Variants in MAPKAP1 observed in about 807,000 individuals in gnomAD.
MAPKAP1 encodes MAPK associated protein 1, also known as target of rapamycin complex 2 subunit MAPKAP1.
MAPKAP1 carries 20 observed loss-of-function variants against 65.7 expected under a neutral mutation model. The ratio of observed to expected loss-of-function variants is 0.30; its 90% CI spans 0.21 to 0.44. MAPKAP1 has a LOEUF of 0.44. MAPKAP1 is among the 20% of genes least tolerant of loss of function. The pLI is 1.00. For missense variants in MAPKAP1, 423 were observed against 648.0 expected (o/e 0.65, Z 3.77); for synonymous variants, 222 against 244.3 (o/e 0.91, Z 0.85).
intron 4 of MAPKAP1, among the ~76,000 whole-genome samples, chr9:125,637,381 A>C (rs931157841): frequency 1.3e-5 from 2 of 149,442 alleles, no homozygotes; most frequent in Non-Finnish European, 3.0e-5. Context: ...GCTAAAGAGA[A>C]TGGGTTTTGC....
At chr9:125,488,543 G>A (rs1269127073) in intron 8 of MAPKAP1, among the ~76,000 whole-genome samples, 1 of 152,062 alleles carries the variant, frequency 6.6e-6, no homozygotes, top group East Asian at 1.9e-4. Flanking sequence ...ATGGGATTTC[G>A]CCTTGTTGGC....
Position 125,444,165 on chromosome 9 carries a change from A to G in MAPKAP1, c.1443+336T>C, listed in dbSNP as rs976267291. Among the ~76,000 whole-genome samples the G allele has an allele frequency of 2.0e-5, 3 of 152,366 alleles. No homozygotes were observed. The South Asian group carries it at 6.2e-4, about 32-fold the overall frequency. On this transcript the variant is annotated intron_variant, in intron 11 of 11. Coordinates refer to ENST00000265960, the MANE Select transcript of MAPKAP1 (RefSeq NM_001006617.3). ...CCTCAGAGTCTGCTCCAGGAGCTTC[A>G]AGGAGCTCCTGACAATGGTTGCAGG...
chr9:125,687,333 C>T (rs1010416711), intron 1 of MAPKAP1, among the ~76,000 whole-genome samples: 6 of 152,116 alleles, frequency 3.9e-5, no homozygotes, highest in Non-Finnish European at 8.8e-5. Context: ...GGATTAGTGA[C>T]ATCTGCTATG....
chr9:125,509,784 G>A (rs759465348), intron 7 of MAPKAP1, among the ~76,000 whole-genome samples: 2 of 152,108 alleles, frequency 1.3e-5, no homozygotes, highest in Non-Finnish European at 2.9e-5. Context: ...GGTCTCCTTT[G>A]CACATTTTTT....
At chr9:125,589,076 G>A (rs1831874867) in intron 4 of MAPKAP1, among the ~76,000 whole-genome samples, 1 of 152,106 alleles carries the variant, frequency 6.6e-6, no homozygotes, top group East Asian at 1.9e-4. Flanking sequence ...CCCTTGGGAG[G>A]TTACTTAATC....
At chr9:125,674,010 A>T (rs1053363028) in intron 1 of MAPKAP1, among the ~76,000 whole-genome samples, 2 of 152,092 alleles carry the variant, frequency 1.3e-5, no homozygotes, top group Non-Finnish European at 2.9e-5. Context: ...ACAAGATAGC[A>T]CCCTCTCAGT....
At chr9:125,705,357 C>A (rs375168747) in intron 1 of MAPKAP1, among the ~76,000 whole-genome samples, 1 of 152,066 alleles carries the variant, frequency 6.6e-6, no homozygotes, top group South Asian at 2.1e-4. Flanking sequence ...ACAATAGAAA[C>A]CCCTATATAA....
At chr9:125,563,694 A>G (rs983609045) in intron 5 of MAPKAP1, among the ~76,000 whole-genome samples, 3 of 148,050 alleles carry the variant, frequency 2.0e-5, no homozygotes, top group Admixed American at 1.4e-4. Context: ...CTATGAAGAA[A>G]GCAAAGGGTA....
intron 1 of MAPKAP1, among the ~76,000 whole-genome samples, chr9:125,702,011 T>C (rs908042714): frequency 4.6e-5 from 7 of 152,194 alleles, no homozygotes; most frequent in African/African-American, 7.2e-5. Context: ...GCCAGGTAGG[T>C]TGGAGTTCAC....
intron 10 of MAPKAP1, among the ~76,000 whole-genome samples, chr9:125,454,510 C>T (rs746811087): frequency 3.9e-5 from 6 of 152,326 alleles, no homozygotes; most frequent in Non-Finnish European, 7.3e-5. Flanking sequence ...TATAGACCTT[C>T]CTTCTGCATT....
At chr9:125,611,729 T>C (rs1832606722) in intron 4 of MAPKAP1, among the ~76,000 whole-genome samples, 1 of 152,084 alleles carries the variant, frequency 6.6e-6, no homozygotes, top group South Asian at 2.1e-4. Context: ...TAATCACAAA[T>C]GACAAATGGT....
chr9:125,490,130 G>A (rs990722898), intron 8 of MAPKAP1, among the ~76,000 whole-genome samples: 1 of 152,166 alleles, frequency 6.6e-6, no homozygotes, highest in African/African-American at 2.4e-5. Flanking sequence ...TGGTGGTGGT[G>A]GTGGTGGGGA....
intron 1 of MAPKAP1, among the ~76,000 whole-genome samples, chr9:125,697,348 A>C (rs1411378234): frequency 6.6e-6 from 1 of 152,234 alleles, no homozygotes; most frequent in Non-Finnish European, 1.5e-5. Flanking sequence ...ATTTATTTTT[A>C]AATAATTTGT....
At chr9:125,444,315 G>A (rs912923689) in intron 11 of MAPKAP1, among the ~76,000 whole-genome samples, 186 bp downstream of exon 11, 1 of 152,226 alleles carries the variant, frequency 6.6e-6, no homozygotes, top group African/African-American at 2.4e-5. Context: ...GCGGGGGCTG[G>A]TGTGGCCCTG....
At chr9:125,619,406 G>C (rs1832832907) in intron 4 of MAPKAP1, among the ~76,000 whole-genome samples, 1 of 152,018 alleles carries the variant, frequency 6.6e-6, no homozygotes, top group Admixed American at 6.6e-5. Context: ...GAACCCGGGA[G>C]GCGGAGGTTA....
At chr9:125,644,247 A>T (rs1588031735) in intron 4 of MAPKAP1, among the ~76,000 whole-genome samples, 1 of 152,320 alleles carries the variant, frequency 6.6e-6, no homozygotes, top group South Asian at 2.1e-4. Flanking sequence ...ATGGTCCAAG[A>T]CAACCTACGT....
At chr9:125,472,673 C>G (rs559416561) in intron 9 of MAPKAP1, among the ~76,000 whole-genome samples, 1 of 152,072 alleles carries the variant, frequency 6.6e-6, no homozygotes, top group African/African-American at 2.4e-5. Flanking sequence ...ACTTAAGTGG[C>G]CAGTAATAGA....
rs371160544 is a variant in MAPKAP1, at chr9:125,485,170, A to G, written c.1067-587T>C. ...CTTGCTTAAGGTTACATGGCTGTCT[A>G]TTGATAGACATAGCTGTCTACTGAC... On this transcript the variant is annotated intron_variant, in intron 8 of 11. Coordinates refer to ENST00000265960, the MANE Select transcript of MAPKAP1 (RefSeq NM_001006617.3). Among the ~76,000 whole-genome samples, 4 of 152,282 alleles carry G rather than the reference A, an allele frequency of 2.6e-5. No homozygotes were observed. In the South Asian group the frequency reaches 8.3e-4, roughly 32 times the overall value.
chr9:125,625,792 C>G (rs1421898507), intron 4 of MAPKAP1, among the ~76,000 whole-genome samples: 1 of 152,088 alleles, frequency 6.6e-6, no homozygotes, highest in East Asian at 1.9e-4. Flanking sequence ...GAGACTCCAT[C>G]TCAAAAACAA....
Sources: allele counts gnomAD v4.1 joint callset (sites outside exome capture counted in the v4.1 genomes callset), GRCh38; gene constraint gnomAD v4.1.1; transcripts MANE v1.5; gene names NCBI Gene and HGNC (gene_info 2026-07-23, HGNC 2026-07-21).